Variants in PPP1R12B observed in about 807,000 individuals in gnomAD.
PPP1R12B encodes myosin phosphatase target subunit 2.
A neutral mutation model predicts 126.1 loss-of-function variants in PPP1R12B; 76 were observed. The observed-to-expected ratio is 0.60, with a 90% CI of 0.50 to 0.73. The LOEUF (loss-of-function observed/expected upper bound fraction) is 0.73. PPP1R12B is among the 30% of genes least tolerant of loss of function. The pLI is 0.00. For synonymous variants in PPP1R12B, 356 were observed against 434.7 expected (o/e 0.82, Z 2.25); for missense variants, 1,052 against 1,205.1 (o/e 0.87, Z 1.88).
At chr1:202,352,609 C>T (rs1010404996) in intron 1 of PPP1R12B, among the ~76,000 whole-genome samples, 1 of 152,126 alleles carries the variant, frequency 6.6e-6, no homozygotes, top group Non-Finnish European at 1.5e-5. Flanking sequence ...ACACTGGCGG[C>T]CGGGGGTGGT....
intron 1 of PPP1R12B, among the ~76,000 whole-genome samples, chr1:202,389,665 G>A (rs1470033337): frequency 2.7e-5 from 4 of 150,924 alleles, no homozygotes; most frequent in Admixed American, 6.6e-5. Context: ...AAGGCCGGGC[G>A]AGGTGGCTAA....
intron 1 of PPP1R12B, among the ~76,000 whole-genome samples, chr1:202,358,500 G>A (rs1287474424): frequency 6.6e-6 from 1 of 152,134 alleles, no homozygotes; most frequent in Non-Finnish European, 1.5e-5. Context: ...GGCTAACACG[G>A]TGAAACCCTG....
intron 1 of PPP1R12B, among the ~76,000 whole-genome samples, chr1:202,400,345 G>T (rs1665641630): frequency 6.6e-6 from 1 of 152,196 alleles, no homozygotes; most frequent in Non-Finnish European, 1.5e-5. Flanking sequence ...GTAAGTCATA[G>T]ACTCTGCATA....
chr1:202,523,260 A>G (rs960452884), intron 18 of PPP1R12B, among the ~76,000 whole-genome samples: 2 of 152,240 alleles, frequency 1.3e-5, no homozygotes, highest in Admixed American at 1.3e-4. Context: ...ATGAAAAGGC[A>G]GACAATAAAC....
rs1553332082 is a variant in PPP1R12B at position 202,588,837 on chromosome 1, A to AGATAGAT, written c.*8278_*8284dup. 4 of 136,358 alleles carry AGATAGAT rather than the reference A, an allele frequency of 2.9e-5. No individual in the cohort carries two copies. 8.4% of individuals were successfully genotyped at this position (136,358 alleles called of 1,614,324 possible). On this transcript the variant is annotated 3_prime_UTR_variant, in exon 24 of 24. Coordinates refer to ENST00000608999, the MANE Select transcript of PPP1R12B (RefSeq NM_002481.4). The stretch of plus-strand genomic sequence containing the variant: ...CAAAAGAACCGTAAGATAGATAGAT[A>AGATAGAT]GATAGATAGATAGATAGATAGATAG...
chr1:202,462,975 T>C, intron 13 of PPP1R12B: 1 of 985,290 alleles, frequency 1.0e-6, no homozygotes, highest in Non-Finnish European at 1.2e-6. Flanking sequence ...TTGATCTGGG[T>C]GTTCTGGGGA....
intron 1 of PPP1R12B, among the ~76,000 whole-genome samples, chr1:202,353,119 A>C (rs1212424163): frequency 6.6e-6 from 1 of 152,234 alleles, no homozygotes; most frequent in East Asian, 1.9e-4. Flanking sequence ...TGAGCAATTT[A>C]TATTCAGACA....
intron 9 of PPP1R12B, among the ~76,000 whole-genome samples, chr1:202,436,288 ACAAC>A (rs1478838788): frequency 4.5e-4 from 69 of 151,982 alleles, no homozygotes; most frequent in African/African-American, 1.6e-3. Flanking sequence ...AACAACAACA[ACAAC>A]AACACACACA....
chr1:202,437,888 G>C lies in PPP1R12B; in HGVS notation c.1322G>C (p.Gly441Ala), dbSNP rs750197466. Residue 441 changes from glycine to alanine, a missense_variant, in exon 10 of 24, where the codon GGA becomes GCA. Physicochemically the swap from Gly to Ala is moderately conservative, Grantham distance 60 (BLOSUM62 0). Transcript: ENST00000608999. ...KDESPSSWRL[G>A]LRKTGSHNML... is the part of the protein sequence containing the mutation. Reference sequence around the variant, plus strand: ...GAATCTCCTTCTTCATGGAGATTGGGACTGAGAAAAACTGGCAGCCACAAC... The same window carrying C: ...GAATCTCCTTCTTCATGGAGATTGGCACTGAGAAAAACTGGCAGCCACAAC... 6.2e-7 allele frequency: 1 copy of C among 1,614,006 alleles called. No homozygotes were observed. Among genetic ancestry groups the C allele is most frequent in the Non-Finnish European group, 8.5e-7 (1 of 1,179,896 alleles).
chr1:202,370,562 G>C (rs769176822), intron 1 of PPP1R12B, among the ~76,000 whole-genome samples: 16 of 151,576 alleles, frequency 1.1e-4, no homozygotes, highest in Admixed American at 3.9e-4. Flanking sequence ...TTTTGAGATG[G>C]AGTCTTACTC....
chr1:202,503,851 G>A (rs964831895), intron 18 of PPP1R12B, among the ~76,000 whole-genome samples: 1 of 151,332 alleles, frequency 6.6e-6, no homozygotes, highest in African/African-American at 2.4e-5. Flanking sequence ...ACCATGCAAT[G>A]GTATAGGAGA....
intron 1 of PPP1R12B, among the ~76,000 whole-genome samples, chr1:202,400,429 G>A (rs921614353): frequency 2.6e-5 from 4 of 152,134 alleles, no homozygotes; most frequent in Non-Finnish European, 5.9e-5. Context: ...ATAGGTAATG[G>A]GAAACTGGTG....
chr1:202,447,656 A>C lies in PPP1R12B; in HGVS notation c.1668-1333A>C, dbSNP rs568784405. The stretch of plus-strand genomic sequence containing the variant: ...TTACACTGCATTTCAAAATAATAGT[A>C]AAAGTCCTATTATGTAATTTAATAA... On this transcript the variant is annotated intron_variant, in intron 12 of 23. Coordinates refer to ENST00000608999, the MANE Select transcript of PPP1R12B (RefSeq NM_002481.4). 4.6e-5 allele frequency among the ~76,000 whole-genome samples: 7 copies of C among 152,368 alleles called. No homozygotes were observed. In the East Asian group the frequency reaches 1.3e-3, roughly 29 times the overall value.
chr1:202,451,958 T>C (rs1436052833), intron 13 of PPP1R12B, among the ~76,000 whole-genome samples: 2 of 147,878 alleles, frequency 1.4e-5, no homozygotes, highest in African/African-American at 5.1e-5. Context: ...ACGGGGCGGC[T>C]GCTGGGCGGA....
intron 22 of PPP1R12B, among the ~76,000 whole-genome samples, chr1:202,568,934 A>G (rs1366297743): frequency 6.6e-6 from 1 of 152,170 alleles, no homozygotes; most frequent in Non-Finnish European, 1.5e-5. Flanking sequence ...ATTTTATGAT[A>G]GGAGATTTAG....
intron 1 of PPP1R12B, among the ~76,000 whole-genome samples, chr1:202,358,312 T>A (rs1413443888): frequency 6.6e-6 from 1 of 152,202 alleles, no homozygotes; most frequent in Non-Finnish European, 1.5e-5. Context: ...GTAACCAGTT[T>A]GAGTAAAATT....
chr1:202,484,538 G>A (rs1480910389), intron 13 of PPP1R12B, among the ~76,000 whole-genome samples: 2 of 152,058 alleles, frequency 1.3e-5, no homozygotes, highest in East Asian at 3.8e-4. Context: ...TAAATCACTG[G>A]GCTAGTCTGA....
intron 13 of PPP1R12B, among the ~76,000 whole-genome samples, chr1:202,457,397 C>G (rs1044047016): frequency 1.2e-4 from 18 of 151,682 alleles, no homozygotes; most frequent in African/African-American, 4.1e-4. Flanking sequence ...TAAAAAAATA[C>G]AAAAAATTAG....
chr1:202,394,795 G>A (rs1383104653), intron 1 of PPP1R12B, among the ~76,000 whole-genome samples: 5 of 151,104 alleles, frequency 3.3e-5, no homozygotes, highest in Non-Finnish European at 7.4e-5. Context: ...AGAGAAAGGA[G>A]AAAAAAGAAA....
Sources: allele counts gnomAD v4.1 joint callset (sites outside exome capture counted in the v4.1 genomes callset), GRCh38; gene constraint gnomAD v4.1.1; transcripts MANE v1.5; gene names NCBI Gene and HGNC (gene_info 2026-07-23, HGNC 2026-07-21).